Variants in DNAH3 observed in about 807,000 individuals in gnomAD.
DNAH3 encodes dynein axonemal heavy chain 3.
A neutral mutation model predicts 432.5 loss-of-function variants in DNAH3; 332 were observed. The observed-to-expected ratio is 0.77, with a 90% CI of 0.70 to 0.84. The LOEUF (loss-of-function observed/expected upper bound fraction) is 0.84, where lower values mean the gene tolerates loss of function less well. Among genes scored for constraint, DNAH3 ranks in the 40% least tolerant of loss-of-function variants. The pLI is 0.00. For missense variants in DNAH3, 4,861 were observed against 5,114.0 expected, an observed-to-expected ratio of 0.95 and a Z score of 1.51; for synonymous variants, 1,956 against 1,900.2, an observed-to-expected ratio of 1.03 and a Z score of -0.76.
At chr16:20,935,215 T>TAA in intron 61 of DNAH3, 133 bp downstream of exon 61, 2 of 1,035,064 alleles carry the variant, frequency 1.9e-6, no homozygotes, top group Non-Finnish European at 2.8e-6. Context: ...TAAATTATGC[T>TAA]AAATGCTTCA....
chr16:20,942,137 T>C (rs1214530768), intron 58 of DNAH3, among the ~76,000 whole-genome samples: 2 of 150,172 alleles, frequency 1.3e-5, no homozygotes, highest in African/African-American at 4.9e-5. Flanking sequence ...GGAAGGGAAC[T>C]CTTGCTCAGC....
At chr16:21,099,041 A>G (rs2091767937) in intron 16 of DNAH3, among the ~76,000 whole-genome samples, 1 of 152,222 alleles carries the variant, frequency 6.6e-6, no homozygotes, top group South Asian at 2.1e-4. Flanking sequence ...TTTCCTGTAC[A>G]GGTAAATACG....
exon 49 of DNAH3, chr16:20,982,771 C>T (rs767191047): frequency 6.2e-7 from 1 of 1,613,996 alleles, no homozygotes; most frequent in African/African-American, 1.3e-5. Context: ...ATTTGTTAGC[C>T]ACCAACTCTA....
At chr16:21,048,919 C>A (rs1204383316) in intron 31 of DNAH3, among the ~76,000 whole-genome samples, 3 of 152,040 alleles carry the variant, frequency 2.0e-5, no homozygotes, top group Non-Finnish European at 2.9e-5. Context: ...GTCTTGAACT[C>A]CTGACCTCAG....
intron 56 of DNAH3, among the ~76,000 whole-genome samples, chr16:20,949,336 A>C (rs188579220): frequency 6.6e-6 from 1 of 151,284 alleles, no homozygotes; most frequent in African/African-American, 2.4e-5. Context: ...TCAAAAAATA[A>C]ATAAATAAAT....
intron 31 of DNAH3, among the ~76,000 whole-genome samples, chr16:21,043,086 G>A (rs1054290270): frequency 2.0e-5 from 3 of 152,040 alleles, no homozygotes; most frequent in African/African-American, 7.3e-5. Context: ...GGACATTTGG[G>A]TTGGTTCCAA....
chr16:21,041,920 A>G, intron 32 of DNAH3, 107 bp downstream of exon 32: 1 of 1,320,034 alleles, frequency 7.6e-7, no homozygotes, highest in East Asian at 2.3e-5. Context: ...TGATTTGCCC[A>G]CCTTGGCCTC....
chr16:21,065,156 T>C (rs902118142), intron 24 of DNAH3, among the ~76,000 whole-genome samples: 2 of 152,064 alleles, frequency 1.3e-5, no homozygotes, highest in African/African-American at 4.8e-5. Context: ...GCTATATTAG[T>C]GCTATTATTC....
chr16:21,085,527 C>CAAAAA (rs34136946), intron 19 of DNAH3, among the ~76,000 whole-genome samples: 4 of 81,324 alleles, frequency 4.9e-5, no homozygotes, highest in Non-Finnish European at 7.1e-5. Context: ...GATTCCACCT[C>CAAAAA]AAAAAAAAAA....
chr16:20,941,682 T>C lies in DNAH3; in HGVS notation c.11512-139A>G. 10 of 1,079,136 alleles carry C rather than the reference T, an allele frequency of 9.3e-6. No homozygotes were observed. In the South Asian group the frequency reaches 1.6e-4, roughly 17 times the overall value. 66.8% of individuals were successfully genotyped at this position (1,079,136 alleles called of 1,614,324 possible). A position where few individuals can be genotyped will look rare whatever the true frequency, so the allele number is the denominator to read the frequency against. ...CCTGAGAACTCTCCAACAGAAGCCA[T>C]TTCTGCCTCCAGTGGGGAAAGGAGT... On this transcript the variant is annotated intron_variant, in intron 58 of 61. Transcript: ENST00000261383.
exon 51 of DNAH3, chr16:20,975,293 A>G: frequency 1.9e-6 from 3 of 1,614,074 alleles, no homozygotes; most frequent in Non-Finnish European, 2.5e-6. Flanking sequence ...CCTGCACCAG[A>G]AGTTTCTTTC....
In DNAH3 at chr16:21,019,888, A is replaced by T; in HGVS notation, c.5777-19T>A. On this transcript the variant is annotated intron_variant, in intron 40 of 61. Transcript: ENST00000261383. ...ATTTCATCTAAAAGTGAGAAAAGCG[A>T]ATCTCAGGACAGAGTGCAGAATGCC... 1 of 1,612,788 alleles carries T rather than the reference A, an allele frequency of 6.2e-7. No individual in the cohort carries two copies. Among genetic ancestry groups the T allele is most frequent in the Non-Finnish European group, 8.5e-7 (1 of 1,179,236 alleles).
chr16:21,060,526 C>CTTTTTTTT (rs375746116), intron 25 of DNAH3, among the ~76,000 whole-genome samples, 170 bp from the exon 26 acceptor site: 5 of 93,422 alleles, frequency 5.4e-5, no homozygotes, highest in Admixed American at 1.4e-4. Flanking sequence ...TTTTTTTTTT[C>CTTTTTTTT]TTTTTTTTTT....
chr16:21,082,779 G>A (rs1035529818), intron 19 of DNAH3, among the ~76,000 whole-genome samples: 8 of 150,156 alleles, frequency 5.3e-5, no homozygotes, highest in Non-Finnish European at 8.9e-5. Context: ...AATCAGCCGA[G>A]ATCGCACCAC....
At chr16:21,005,893 G>A (rs1359535357) in intron 41 of DNAH3, among the ~76,000 whole-genome samples, 1 of 148,560 alleles carries the variant, frequency 6.7e-6, no homozygotes, top group Non-Finnish European at 1.5e-5. Flanking sequence ...AGGCCCATCA[G>A]ATATTTACCT....
intron 52 of DNAH3, 86 bp from the exon 53 acceptor site, chr16:20,965,511 G>GA: frequency 8.2e-7 from 1 of 1,218,156 alleles, no homozygotes; most frequent in Non-Finnish European, 1.1e-6. Flanking sequence ...TGGTATTTGA[G>GA]AAAAAACAAA....
exon 12 of DNAH3, chr16:21,117,227 T>C: frequency 6.2e-7 from 1 of 1,603,952 alleles, no homozygotes; most frequent in Non-Finnish European, 8.5e-7. Flanking sequence ...TTGATTTTTC[T>C]GAAATACCTT....
intron 1 of DNAH3, among the ~76,000 whole-genome samples, chr16:21,152,739 C>T (rs1223896935): frequency 2.6e-5 from 4 of 152,218 alleles, no homozygotes; most frequent in Non-Finnish European, 5.9e-5. Context: ...CTTAGCACCC[C>T]GGCCAGCGGC....
intron 50 of DNAH3, among the ~76,000 whole-genome samples, 177 bp from the exon 51 acceptor site, chr16:20,975,592 G>A (rs1438913061): frequency 6.6e-6 from 1 of 152,180 alleles, no homozygotes; most frequent in Non-Finnish European, 1.5e-5. Flanking sequence ...TTTCAACACA[G>A]TTATTGAGTT....
Sources: gnomAD v4.1 joint callset for allele counts (sites outside exome capture counted in the v4.1 genomes callset) on GRCh38, gnomAD v4.1.1 for gene constraint, MANE v1.5 for transcripts, NCBI Gene and HGNC (gene_info 2026-07-23, HGNC 2026-07-21) for gene names.